The following NLRP1 variants were observed in gnomAD, a reference collection of about 807,000 sequenced individuals.
The protein encoded by NLRP1 is NACHT, LRR and PYD domains-containing protein 1.
In NLRP1, 94 loss-of-function variants were observed where a neutral mutation model predicts 136.7. The ratio of observed to expected loss-of-function variants is 0.69; its 90% CI spans 0.58 to 0.82. The LOEUF (loss-of-function observed/expected upper bound fraction) is 0.82. NLRP1 is among the 40% of genes least tolerant of loss of function. The pLI, the probability that NLRP1 is intolerant of heterozygous loss-of-function variation, is 0.00. For missense variants in NLRP1, 1,575 were observed against 1,802.7 expected (o/e 0.87, Z 2.29); for synonymous variants, 690 against 725.1 (o/e 0.95, Z 0.78).
At chr17:5,581,151 G>A (rs915926074) in intron 3 of NLRP1, among the ~76,000 whole-genome samples, 3 of 152,162 alleles carry the variant, frequency 2.0e-5, no homozygotes, top group East Asian at 3.8e-4. Context: ...GGCATCCTCC[G>A]GCATTGAGAG....
Position 5,514,969 on chromosome 17 carries a change from G to T in NLRP1, c.4207C>A (p.Leu1403Met), listed in dbSNP as rs1271338402. 1 of 1,614,190 alleles carries T rather than the reference G, an allele frequency of 6.2e-7. No homozygotes were observed. Among genetic ancestry groups the T allele is most frequent in the South Asian group, 1.1e-5 (1 of 91,086 alleles). ...TCCTGGCTCAGCACCTGTCCATGCA[G>T]TTTGTCCAAGACAACCTCCACCGAT... ...VTSVEVVLDKLHGQVLSQEQY... is the reference protein window; with the variant it reads ...VTSVEVVLDKMHGQVLSQEQY... The change falls in exon 17 of 17, where the codon CTG becomes ATG. Residue 1403 changes from leucine (L) to methionine (M), a missense_variant. By Grantham distance (15) the Leu-to-Met change is conservative. Transcript: ENST00000572272.
At chr17:5,532,800 C>G (rs1354127020) in intron 11 of NLRP1, 22 bp downstream of exon 11, 1 of 1,568,994 alleles carries the variant, frequency 6.4e-7, no homozygotes, top group Non-Finnish European at 8.6e-7. Flanking sequence ...CAGCCTGGGA[C>G]CAGCAGAGCC....
chr17:5,573,597 G>A (rs572818384), intron 3 of NLRP1, among the ~76,000 whole-genome samples: 6 of 152,316 alleles, frequency 3.9e-5, no homozygotes, highest in South Asian at 2.1e-4. Context: ...TCACACAGCC[G>A]TCTACCTCTC....
chr17:5,582,193 T>C, intron 2 of NLRP1, 131 bp from the exon 3 acceptor site: 1 of 783,776 alleles, frequency 1.3e-6, no homozygotes, highest in East Asian at 2.7e-5. Context: ...CATGTTGAAG[T>C]AGAGGGGCAA....
chr17:5,553,016 A>ATC (rs75587666), intron 5 of NLRP1, among the ~76,000 whole-genome samples: 18,784 of 152,166 alleles, frequency 0.12, 2,033 homozygotes, highest in East Asian at 0.58. Flanking sequence ...CTGTAGCCTT[A>ATC]TCTCAACCCT....
At position 5,553,317 on chromosome 17, in the gene NLRP1, C is replaced by T; in HGVS notation, c.2528+69G>A. 4 of 1,413,576 alleles carry T rather than the reference C, an allele frequency of 2.8e-6. No individual in the cohort carries two copies. In the East Asian group the frequency reaches 7.1e-5, roughly 25 times the overall value. 87.6% of individuals were successfully genotyped at this position (1,413,576 alleles called of 1,614,324 possible). ...TAAATACAAAGACAAATCCCTCAGCCCAGACTCAGCTTCTGCCTTGGATCT... is the reference window on the plus strand; with the variant it reads ...TAAATACAAAGACAAATCCCTCAGCTCAGACTCAGCTTCTGCCTTGGATCT... On this transcript the variant is annotated intron_variant, in intron 5 of 16. Transcript: ENST00000572272.
intron 3 of NLRP1, among the ~76,000 whole-genome samples, chr17:5,572,278 A>G (rs1904447694): frequency 6.6e-6 from 1 of 152,244 alleles, no homozygotes; most frequent in Non-Finnish European, 1.5e-5. Flanking sequence ...GAACTTCTGC[A>G]CAGCAAAAGA....
At chr17:5,519,654 G>C (rs1908644903) in intron 14 of NLRP1, among the ~76,000 whole-genome samples, 1 of 151,120 alleles carries the variant, frequency 6.6e-6, no homozygotes, top group African/African-American at 2.4e-5. Context: ...CACTATGTTG[G>C]TCAGGATGGT....
intron 16 of NLRP1, among the ~76,000 whole-genome samples, 190 bp from the exon 17 acceptor site, chr17:5,515,263 C>T (rs1400250911): frequency 6.6e-6 from 1 of 152,166 alleles, no homozygotes; most frequent in Non-Finnish European, 1.5e-5. Flanking sequence ...TCCTGCTGGG[C>T]ACATTGGAGG....
In NLRP1 at chr17:5,508,135, G is replaced by GA. The variant is rs58304391; in HGVS notation, c.4070-6264dup. Among the ~76,000 whole-genome samples the GA allele has an allele frequency of 6.6e-3, 934 of 141,076 alleles. 5 individuals are homozygous for GA. The highest frequency in any genetic ancestry group is 0.018 in the East Asian group (84 of 4,800). 92.6% of individuals were successfully genotyped at this position (141,076 alleles called of 152,430 possible). A position where few individuals can be genotyped will look rare whatever the true frequency, so the allele number is the denominator to read the frequency against. ...GGGGACAGAGCGAGACTCGGTCTCA[G>GA]AAAAAAAAAAAAATTAGCTGGGTAT... is the stretch of plus-strand genomic sequence containing the variant. On this transcript the variant is annotated intron_variant, in intron 15 of 15. Coordinates refer to the NLRP1 transcript ENST00000262467.
At chr17:5,545,941 T>C (rs762044207) in intron 5 of NLRP1, among the ~76,000 whole-genome samples, 2 of 152,238 alleles carry the variant, frequency 1.3e-5, no homozygotes, top group African/African-American at 2.4e-5. Flanking sequence ...GCTTTATTTA[T>C]TTTTAAACAA....
chr17:5,556,111 TCTCTACACACACACAC>T (rs1914030626), intron 4 of NLRP1, among the ~76,000 whole-genome samples: 1 of 131,334 alleles, frequency 7.6e-6, no homozygotes, highest in African/African-American at 2.9e-5. Flanking sequence ...TCTGTCTCTC[TCTCTACACACACACAC>T]ACACACACAC....
chr17:5,584,457 C>T lies in NLRP1; in HGVS notation c.-500G>A. 1 of 163,044 alleles carries T rather than the reference C, an allele frequency of 6.1e-6. No individual in the cohort carries two copies. Among genetic ancestry groups the T allele is most frequent in the South Asian group, 1.5e-4 (1 of 6,514 alleles). 10.1% of individuals were successfully genotyped at this position (163,044 alleles called of 1,614,324 possible). A position where few individuals can be genotyped will look rare whatever the true frequency, so the allele number is the denominator to read the frequency against. The stretch of plus-strand genomic sequence containing the variant: ...CGGGCTGCTGGCTCCCAGGTTTCTT[C>T]AGACCTCTCCAGGCCCTGGGGCACC... On this transcript the variant is annotated 5_prime_UTR_variant, in exon 1 of 17. Coordinates refer to ENST00000572272, the MANE Select transcript of NLRP1 (RefSeq NM_033004.4).
chr17:5,541,914 C>G lies in NLRP1; in HGVS notation c.2642G>C (p.Gly881Ala). The G allele has an allele frequency of 6.2e-7, 1 of 1,614,100 alleles. No individual in the cohort carries two copies. ...CAGTCTCTGGCAAAGGTGTTTGGCT[C>G]CAGCATCCGTGAGCACATTGAAGCT... ...DLSFNVLTDA[G>A]AKHLCQRLRQ... Residue 881 changes from glycine (G) to alanine (A), a missense_variant, in exon 6 of 17, where the codon GGA (glycine) becomes GCA (alanine). Physicochemically the swap from Gly to Ala is moderately conservative, Grantham distance 60. Transcript: ENST00000572272. This position sits in a 1 kb window ranked among gnomAD's most constrained non-coding sequence, Gnocchi z 4.2.
intron 12 of NLRP1, among the ~76,000 whole-genome samples, chr17:5,529,468 C>T (rs780696101): frequency 4.0e-5 from 6 of 151,554 alleles, no homozygotes; most frequent in Admixed American, 1.3e-4. Flanking sequence ...CCTGGGTTCA[C>T]GCCATTCTCC....
rs145827448 is a variant in NLRP1 at position 5,583,814 on chromosome 17, C to A, written c.144G>T (p.Thr48=). The change falls in exon 1 of 17, where the codon ACG becomes ACT. Residue 48 remains threonine (T), a synonymous_variant. Coordinates refer to ENST00000572272, the MANE Select transcript of NLRP1 (RefSeq NM_033004.4). The surrounding 1 kb of genome is among the most constrained non-coding windows in gnomAD (Gnocchi z 4.5). ...SGETPAQPEK[T]SGMEVASYLV... is the part of the protein sequence containing the mutation. ...GGTACGAGGCCACCTCCATGCCACT[C>A]GTCTTCTCTGGCTGAGCGGGTGTCT... is the stretch of plus-strand genomic sequence containing the variant. 10 of 1,561,034 alleles carry A rather than the reference C, an allele frequency of 6.4e-6. No homozygotes were observed. Among genetic ancestry groups the A allele is most frequent in the Non-Finnish European group, 8.7e-6 (10 of 1,151,510 alleles).
rs1278311159 is a variant in NLRP1 at position 5,537,048 on chromosome 17, G to C, written c.2871-108C>G. ...TCACCTTCTGAGGCAGCGGCCGCAG[G>C]GTGGGTTCCCTGGAAGCCAGGCTCT... On this transcript the variant is annotated intron_variant, in intron 7 of 16. Coordinates refer to ENST00000572272, the MANE Select transcript of NLRP1 (RefSeq NM_033004.4). The surrounding 1 kb of genome is among the most constrained non-coding windows in gnomAD (Gnocchi z 4.5). 4.0e-6 allele frequency: 3 copies of C among 743,352 alleles called. No homozygotes were observed. In the Admixed American group the frequency reaches 6.2e-5, roughly 15 times the overall value. The allele number at this position is 743,352 out of a possible 1,614,324, so 46.0% of individuals were successfully genotyped here.
intron 12 of NLRP1, among the ~76,000 whole-genome samples, chr17:5,528,105 G>A (rs1909786946): frequency 6.6e-6 from 1 of 152,232 alleles, no homozygotes. Context: ...CCAGGTTGGG[G>A]CAAGCCAAGT....
At chr17:5,554,865 T>TA (rs1243895426) in intron 4 of NLRP1, among the ~76,000 whole-genome samples, 2 of 151,656 alleles carry the variant, frequency 1.3e-5, no homozygotes, top group African/African-American at 2.4e-5. Context: ...CTACAAAAAA[T>TA]AAAAAAAATT....
Sources: gnomAD v4.1 joint callset for allele counts (sites outside exome capture counted in the v4.1 genomes callset) on GRCh38, gnomAD v4.1.1 for gene constraint, Gnocchi (gnomAD v3.1) non-coding constraint, MANE v1.5 for transcripts, NCBI Gene and HGNC (gene_info 2026-07-23, HGNC 2026-07-21) for gene names.